The following SLC2A7 variants were observed in gnomAD, a reference collection of about 807,000 sequenced individuals.
SLC2A7 encodes solute carrier family 2 member 7.
Under a neutral mutation model 50.5 loss-of-function variants are expected in SLC2A7, and 50 were observed. That is an observed-to-expected ratio of 0.99 (90% confidence interval 0.79 to 1.25). The LOEUF (loss-of-function observed/expected upper bound fraction) is 1.25. SLC2A7 is among the 50% of genes most tolerant of loss of function. SLC2A7 has a pLI of 0.00. For missense variants in SLC2A7, 683 were observed against 679.1 expected, an observed-to-expected ratio of 1.01 and a Z score of -0.06; for synonymous variants, 308 against 300.4, an observed-to-expected ratio of 1.03 and a Z score of -0.26.
downstream of SLC2A7, among the ~76,000 whole-genome samples, chr1:9,000,745 G>GGTGTGTGTGTGTGTGTGTGTGT (rs56985979): frequency 4.2e-5 from 6 of 142,092 alleles, no homozygotes; most frequent in Admixed American, 1.4e-4. Flanking sequence ...TGACTTTCCT[G>GGTGTGTGTGTGTGTGTGTGTGT]GTGTGTGTGT....
intron 8 of SLC2A7, among the ~76,000 whole-genome samples, chr1:9,011,860 C>T (rs61785787): frequency 0.018 from 2,719 of 150,590 alleles, 83 homozygotes; most frequent in African/African-American, 0.062. Context: ...AGCAATTCTC[C>T]TGCCTCAGTC....
chr1:9,017,300 A>G (rs901316190), intron 5 of SLC2A7, among the ~76,000 whole-genome samples: 2 of 152,216 alleles, frequency 1.3e-5, no homozygotes, highest in Admixed American at 6.5e-5. Context: ...AGCCTGGGTG[A>G]CAGGGTGAGA....
At chr1:8,993,794 CTTT>C in the SLC2A7 span, among the ~76,000 whole-genome samples, 1 of 151,244 alleles carries the variant, frequency 6.6e-6, no homozygotes, top group Non-Finnish European at 1.5e-5. Flanking sequence ...TGCCCGGCTA[CTTT>C]TTTTTTATTT....
Position 9,013,637 on chromosome 1 carries a change from T to C in SLC2A7, c.904-2A>G, listed in dbSNP as rs985320422. 1.1e-5 allele frequency: 17 copies of C among 1,611,944 alleles called. No homozygotes were observed. The highest frequency in any genetic ancestry group is 3.3e-4 in the Middle Eastern group (2 of 6,074). On this transcript the variant is annotated splice_acceptor_variant, in intron 7 of 11. Transcript: ENST00000400906. LOFTEE classifies it high-confidence loss of function. ...GATGGTGTCCGCATAGTAGTTGATC[T>C]AAACAAAAACACAGGGCTGTCAGGA...
chr1:9,004,922 G>A lies in SLC2A7; in HGVS notation c.1193-43C>T, dbSNP rs116523703. 3,318 of 1,596,606 alleles carry A rather than the reference G, an allele frequency of 2.1e-3. 65 individuals carry two copies. The African/African-American group carries it at 0.038, about 18-fold the overall frequency. On this transcript the variant is annotated intron_variant, in intron 10 of 11. Transcript: ENST00000400906. ...ATGGGTGGGGCGGAGAAGGACCCAG[G>A]TGTCCCCCAGGGCTGGCGGGACGCG...
In SLC2A7 at chr1:9,018,112, A is replaced by T. The variant is rs915814031; in HGVS notation, c.589+111T>A. On this transcript the variant is annotated intron_variant, in intron 5 of 11. Coordinates refer to ENST00000400906, the MANE Select transcript of SLC2A7 (RefSeq NM_207420.3). Reference sequence around the variant, plus strand: ...CCCTTTGCCCACCACACTGCCCAACACCTGACCCTAAAATCATCTCTCGGG... The same window carrying T: ...CCCTTTGCCCACCACACTGCCCAACTCCTGACCCTAAAATCATCTCTCGGG... 14 of 1,462,296 alleles carry T rather than the reference A, an allele frequency of 9.6e-6. No homozygotes were observed. The African/African-American group carries it at 1.9e-4, about 20-fold the overall frequency. The allele number at this position is 1,462,296 out of a possible 1,614,324, so 90.6% of individuals were successfully genotyped here.
intron 9 of SLC2A7, among the ~76,000 whole-genome samples, chr1:9,009,816 C>T (rs772464598): frequency 3.9e-5 from 6 of 152,226 alleles, no homozygotes; most frequent in Non-Finnish European, 7.3e-5. Flanking sequence ...ACCTGTTCAC[C>T]GCCCATAGAT....
chr1:9,018,310 C>T lies in SLC2A7; in HGVS notation c.502G>A (p.Val168Met), dbSNP rs1446982074. 2 of 1,614,100 alleles carry T rather than the reference C, an allele frequency of 1.2e-6. No homozygotes were observed. The highest frequency in any genetic ancestry group is 1.3e-5 in the African/African-American group (1 of 74,932). Residue 168 changes from valine to methionine, a missense_variant, in exon 5 of 12, where the codon GTG becomes ATG. Coordinates refer to ENST00000400906, the MANE Select transcript of SLC2A7 (RefSeq NM_207420.3). ...ACGAAAACCTCGGTCATTGTTCCCA[C>T]CATGCCTCTCAGGTTCTTGGGGGCC... ...ELAPKNLRGM[V>M]GTMTEVFVIV...
chr1:9,022,216 A>ACCATGCC (rs900367663), intron 3 of SLC2A7, among the ~76,000 whole-genome samples: 1 of 152,210 alleles, frequency 6.6e-6, no homozygotes, highest in Admixed American at 6.5e-5. Flanking sequence ...AACCTGGCAC[A>ACCATGCC]CCATGCCCAA....
intron 2 of SLC2A7, 119 bp downstream of exon 2, chr1:9,024,857 C>G: frequency 8.8e-7 from 1 of 1,135,126 alleles, no homozygotes; most frequent in Non-Finnish European, 1.3e-6. Flanking sequence ...CTCCCAAAGG[C>G]AAGATGGTGC....
At chr1:9,007,733 G>C (rs559515361) in intron 9 of SLC2A7, among the ~76,000 whole-genome samples, 2 of 139,628 alleles carry the variant, frequency 1.4e-5, no homozygotes, top group Admixed American at 1.5e-4. Flanking sequence ...GTGACTCTAC[G>C]ATTCTTTCTT....
chr1:9,011,835 C>T (rs570385223), intron 8 of SLC2A7, among the ~76,000 whole-genome samples: 69 of 150,778 alleles, frequency 4.6e-4, no homozygotes, highest in African/African-American at 1.5e-3. Flanking sequence ...CTGCAACCTC[C>T]GCCTCCCGGG....
rs149017120 is a variant in SLC2A7, at chr1:9,014,814, C to G, written c.770G>C (p.Arg257Pro). The G allele has an allele frequency of 1.9e-6, 3 of 1,605,316 alleles. No individual in the cohort carries two copies. Among genetic ancestry groups the G allele is most frequent in the African/African-American group, 2.7e-5 (2 of 74,832 alleles). ...GGCGCGCTCGGCCCGGGCCTCCGCA[C>G]GCATGTCCTCCAGCTCGGCCTCCAT... ...TDMEAELEDM[R>P]AEARAERAEG... The change falls in exon 7 of 12, where the codon CGT (arginine) becomes CCT (proline). Residue 257 changes from arginine (R) to proline (P), a missense_variant. Transcript: ENST00000400906.
intron 1 of SLC2A7, among the ~76,000 whole-genome samples, chr1:9,025,512 T>C (rs1640983240): frequency 6.6e-6 from 1 of 151,982 alleles, no homozygotes; most frequent in Non-Finnish European, 1.5e-5. Context: ...CTGTGAGGAA[T>C]GAGAGACTGT....
At chr1:8,994,414 G>A in the SLC2A7 span, among the ~76,000 whole-genome samples, 8 of 152,192 alleles carry the variant, frequency 5.3e-5, no homozygotes, top group African/African-American at 1.9e-4. Context: ...GGCCGGCAGC[G>A]TGACTCAGCC....
chr1:8,998,529 T>C (rs1218506894), downstream of SLC2A7, among the ~76,000 whole-genome samples: 1 of 152,224 alleles, frequency 6.6e-6, no homozygotes. Context: ...TTTTGATTAC[T>C]CCAGCTTTAC....
At chr1:9,010,030 T>G in intron 9 of SLC2A7, 113 bp downstream of exon 9, 1 of 893,182 alleles carries the variant, frequency 1.1e-6, no homozygotes, top group Non-Finnish European at 1.8e-6. Context: ...GCAGGATGCA[T>G]GCCATCAGTG....
Position 9,011,461 on chromosome 1 carries a change from C to CA in SLC2A7, c.1015-1218_1015-1217insT, listed in dbSNP as rs568251333. Among the ~76,000 whole-genome samples, 14 of 151,960 alleles carry CA rather than the reference C, an allele frequency of 9.2e-5. No individual in the cohort carries two copies. The South Asian group carries it at 2.7e-3, about 30-fold the overall frequency. ...TTGAGCTCAGGAGTTCGAAACCAGC[C>CA]GGGTCAACATAGTAAGACCCTGTCT... On this transcript the variant is annotated intron_variant, in intron 8 of 11. Transcript: ENST00000400906.
rs754310910 is a variant in SLC2A7, at chr1:9,019,343, C to T, written c.312-10G>A. The T allele has an allele frequency of 6.2e-7, 1 of 1,613,574 alleles. No homozygotes were observed. On this transcript the variant is annotated splice_polypyrimidine_tract_variant and intron_variant, in intron 3 of 11. Coordinates refer to ENST00000400906, the MANE Select transcript of SLC2A7 (RefSeq NM_207420.3). Reference sequence around the variant, plus strand: ...CAGCAGGGTCCCCTTTCTGCAAAGACAGTGAGCCCAGAGGGCAGGGGTGCG... The same window carrying T: ...CAGCAGGGTCCCCTTTCTGCAAAGATAGTGAGCCCAGAGGGCAGGGGTGCG...
Sources: gnomAD v4.1 joint callset for allele counts (sites outside exome capture counted in the v4.1 genomes callset) on GRCh38, gnomAD v4.1.1 for gene constraint, MANE v1.5 for transcripts, NCBI Gene and HGNC (gene_info 2026-07-23, HGNC 2026-07-21) for gene names.